LIMK2: variants seen among roughly 807,000 people sequenced by gnomAD.
LIMK2 encodes the protein LIM domain kinase 2.
Under a neutral mutation model 75.7 loss-of-function variants are expected in LIMK2, and 35 were observed. The ratio of observed to expected loss-of-function variants is 0.46; its 90% CI spans 0.35 to 0.61. The LOEUF (loss-of-function observed/expected upper bound fraction) is 0.61, where lower values mean the gene tolerates loss of function less well. Ranked by LOEUF, LIMK2 falls within the 20% of genes least tolerant of loss-of-function variation. LIMK2 has a pLI of 0.00. For synonymous variants in LIMK2, 301 were observed against 319.2 expected, an observed-to-expected ratio of 0.94 and a Z score of 0.61; for missense variants, 623 against 831.0, an observed-to-expected ratio of 0.75 and a Z score of 3.08.
rs66641491 is a variant in LIMK2 at position 31,228,021 on chromosome 22, C to CGTGTGTGTGT, written c.116+2222_116+2231dup. On this transcript the variant is annotated intron_variant, in intron 2 of 15. Coordinates refer to ENST00000331728, the MANE Select transcript of LIMK2 (RefSeq NM_005569.4). The stretch of plus-strand genomic sequence containing the variant: ...TGCTAGCTTGTTAGCTCTGTGCGTG[C>CGTGTGTGTGT]GTGTGTGTGTGTGTGTGTGTGTGTG... Among the ~76,000 whole-genome samples, 518 of 147,618 alleles carry CGTGTGTGTGT rather than the reference C, an allele frequency of 3.5e-3. 7 individuals carry two copies. Among genetic ancestry groups the CGTGTGTGTGT allele is most frequent in the East Asian group, 0.029 (144 of 5,016 alleles).
In LIMK2 at chr22:31,269,276, AT is replaced by A. The variant is rs1231577841; in HGVS notation, c.1317+1085del. Among the ~76,000 whole-genome samples the A allele has an allele frequency of 8.8e-4, 91 of 103,652 alleles. 2 individuals are homozygous for A. In the South Asian group the frequency reaches 0.021, roughly 24 times the overall value. The allele number at this position is 103,652 out of a possible 152,430, so 68.0% of individuals were successfully genotyped here. The stretch of plus-strand genomic sequence containing the variant: ...TGTACCACCACACCTAATTTTTTGA[AT>A]TTTTTTTTCTTTTTTTTTTTTTTTT... On this transcript the variant is annotated intron_variant, in intron 11 of 15. Coordinates refer to ENST00000331728, the MANE Select transcript of LIMK2 (RefSeq NM_005569.4).
chr22:31,269,643 G>A (rs2048934904), intron 11 of LIMK2, among the ~76,000 whole-genome samples: 2 of 151,938 alleles, frequency 1.3e-5, no homozygotes, highest in African/African-American at 2.4e-5. Flanking sequence ...GCGTGGTGGT[G>A]CACGCCTGTA....
chr22:31,239,599 CCAAT>C (rs756765317), intron 2 of LIMK2, among the ~76,000 whole-genome samples: 1 of 152,216 alleles, frequency 6.6e-6, no homozygotes, highest in African/African-American at 2.4e-5. Flanking sequence ...CCTCTCCCCA[CCAAT>C]CAGAGACTTC....
chr22:31,248,338 TG>T, intron 2 of LIMK2: 1 of 1,227,170 alleles, frequency 8.1e-7, no homozygotes, highest in Non-Finnish European at 1.0e-6. Flanking sequence ...CATTCAGGGG[TG>T]GGACTGAAGA....
At chr22:31,275,616 C>CACCACCG in intron 15 of LIMK2, 4 of 262,000 alleles carry the variant, frequency 1.5e-5, no homozygotes, top group South Asian at 1.6e-4. Flanking sequence ...TTCCCCTGTC[C>CACCACCG]ATATCTACAC....
chr22:31,233,546 C>T (rs2048546047), intron 2 of LIMK2, among the ~76,000 whole-genome samples: 1 of 152,204 alleles, frequency 6.6e-6, no homozygotes, highest in Non-Finnish European at 1.5e-5. Context: ...TTCCATTGTC[C>T]TCCACACACT....
intron 1 of LIMK2, among the ~76,000 whole-genome samples, chr22:31,221,476 AAAT>A (rs762397737): frequency 2.0e-5 from 3 of 151,880 alleles, no homozygotes; most frequent in African/African-American, 2.4e-5. Context: ...AATTATAAAT[AAAT>A]AATAATAATA....
chr22:31,213,063 T>G lies in LIMK2; in HGVS notation c.16+639T>G, dbSNP rs375526774. On this transcript the variant is annotated intron_variant, in intron 1 of 15. Coordinates refer to ENST00000331728, the MANE Select transcript of LIMK2 (RefSeq NM_005569.4). ...GGTAAGGAGAGATCGGACCATTCTT[T>G]TTGGGGCCCAAAGATCTCTGCTACA... 1.6e-4 allele frequency among the ~76,000 whole-genome samples: 25 copies of G among 152,130 alleles called. 3 individuals carry two copies. The highest frequency in any genetic ancestry group is 1.4e-3 in the Admixed American group (22 of 15,282).
Position 31,262,942 on chromosome 22 carries a change from A to G in LIMK2, c.854+151A>G, listed in dbSNP as rs1189404536. Reference sequence around the variant, plus strand: ...TGCTGACCCAGCTGCCCCTGTGGGGATCACAGTTTACAGCCAGAGCCTGTG... The same window carrying G: ...TGCTGACCCAGCTGCCCCTGTGGGGGTCACAGTTTACAGCCAGAGCCTGTG... On this transcript the variant is annotated intron_variant, in intron 7 of 15. Transcript: ENST00000331728. The surrounding 1 kb of genome is among the most constrained non-coding windows in gnomAD (Gnocchi z 5.0). 1.4e-5 allele frequency: 10 copies of G among 709,354 alleles called. No homozygotes were observed. Among genetic ancestry groups the G allele is most frequent in the Non-Finnish European group, 2.0e-5 (9 of 451,330 alleles). 43.9% of individuals were successfully genotyped at this position (709,354 alleles called of 1,614,324 possible). A position where few individuals can be genotyped will look rare whatever the true frequency, so the allele number is the denominator to read the frequency against.
intron 1 of LIMK2, among the ~76,000 whole-genome samples, chr22:31,216,029 G>A (rs149751123): frequency 1.3e-5 from 2 of 152,280 alleles, no homozygotes; most frequent in African/African-American, 4.8e-5. Flanking sequence ...GGTGGGGAGA[G>A]ATAGACAGCA....
chr22:31,244,395 A>G (rs533033552), intron 2 of LIMK2, among the ~76,000 whole-genome samples: 5 of 152,294 alleles, frequency 3.3e-5, no homozygotes, highest in African/African-American at 7.2e-5. Flanking sequence ...GGGGAACATA[A>G]TAGATTTTTG....
chr22:31,230,902 T>C (rs1038555229), intron 2 of LIMK2, among the ~76,000 whole-genome samples: 3 of 152,186 alleles, frequency 2.0e-5, no homozygotes, highest in African/African-American at 7.2e-5. Context: ...CAGTAATAGG[T>C]ACCACTTATT....
intron 2 of LIMK2, among the ~76,000 whole-genome samples, chr22:31,228,080 A>G (rs1223328907): frequency 6.6e-6 from 1 of 152,102 alleles, no homozygotes; most frequent in East Asian, 1.9e-4. Flanking sequence ...ACATATGTAC[A>G]CAAATACATA....
intron 7 of LIMK2, among the ~76,000 whole-genome samples, chr22:31,264,154 A>G (rs1388232922): frequency 1.3e-5 from 2 of 152,094 alleles, no homozygotes; most frequent in East Asian, 3.9e-4. Flanking sequence ...AATTAGTGGG[A>G]GGCAGGGCAA....
chr22:31,239,906 G>C (rs1478863257), intron 2 of LIMK2, among the ~76,000 whole-genome samples: 1 of 152,150 alleles, frequency 6.6e-6, no homozygotes, highest in Non-Finnish European at 1.5e-5. Flanking sequence ...TTTTAGGCAA[G>C]AGCTTATCTT....
At chr22:31,240,663 C>T (rs1482753129) in intron 2 of LIMK2, among the ~76,000 whole-genome samples, 2 of 152,062 alleles carry the variant, frequency 1.3e-5, no homozygotes, top group African/African-American at 4.8e-5. Context: ...ACTTTGTGAT[C>T]TGCCTGCTTC....
chr22:31,213,128 G>A (rs1445280394), intron 1 of LIMK2, among the ~76,000 whole-genome samples: 1 of 152,174 alleles, frequency 6.6e-6, no homozygotes, highest in African/African-American at 2.4e-5. Context: ...GAGTCCTCCT[G>A]TGGAAGCTCC....
chr22:31,245,254 G>A (rs1028723753), intron 2 of LIMK2, among the ~76,000 whole-genome samples: 2 of 152,124 alleles, frequency 1.3e-5, no homozygotes, highest in Admixed American at 6.5e-5. Context: ...AACAGAGGCC[G>A]GCAAGCTATG....
chr22:31,234,824 A>G (rs2048559285), intron 2 of LIMK2, among the ~76,000 whole-genome samples: 1 of 151,322 alleles, frequency 6.6e-6, no homozygotes, highest in African/African-American at 2.4e-5. Context: ...CCTGCACTTC[A>G]GCCTCACCTC....
Sources: allele counts gnomAD v4.1 joint callset (sites outside exome capture counted in the v4.1 genomes callset), GRCh38; gene constraint gnomAD v4.1.1; non-coding constraint Gnocchi (gnomAD v3.1); transcripts MANE v1.5; gene names NCBI Gene and HGNC (gene_info 2026-07-23, HGNC 2026-07-21).